The following KLHL14 variants were observed in gnomAD, a reference collection of about 807,000 sequenced individuals.
The protein encoded by KLHL14 is kelch like family member 14.
KLHL14 carries 22 observed loss-of-function variants against 64.3 expected under a neutral mutation model. The ratio of observed to expected loss-of-function variants is 0.34; its 90% CI spans 0.24 to 0.49. The LOEUF is 0.49. KLHL14 is among the 20% of genes least tolerant of loss of function. KLHL14 has a pLI of 0.99. For missense variants in KLHL14, 661 were observed against 789.0 expected, an observed-to-expected ratio of 0.84 and a Z score of 1.94; for synonymous variants, 322 against 333.4, an observed-to-expected ratio of 0.97 and a Z score of 0.37.
intron 3 of KLHL14, among the ~76,000 whole-genome samples, chr18:32,702,743 T>C (rs941833398): frequency 1.1e-5 from 1 of 94,608 alleles, no homozygotes; most frequent in Non-Finnish European, 2.8e-5. Context: ...TCTGTAAGAG[T>C]TTTTATGGTC....
rs1391632334 is a variant in KLHL14, at chr18:32,674,567, C to T, written c.*90G>A. On this transcript the variant is annotated 3_prime_UTR_variant, in exon 9 of 9. Coordinates refer to ENST00000359358, the MANE Select transcript of KLHL14 (RefSeq NM_020805.3). ...CAAGGGTGGGTTTTGGCAGTTGTACCATTAGAATGCATTGTTCCTATTATA... is the reference window on the plus strand; with the variant it reads ...CAAGGGTGGGTTTTGGCAGTTGTACTATTAGAATGCATTGTTCCTATTATA... 7 of 697,134 alleles carry T rather than the reference C, an allele frequency of 1.0e-5. No individual in the cohort carries two copies. The highest frequency in any genetic ancestry group is 1.8e-5 in the African/African-American group (1 of 56,686). 43.2% of individuals were successfully genotyped at this position (697,134 alleles called of 1,614,324 possible). A position where few individuals can be genotyped will look rare whatever the true frequency, so the allele number is the denominator to read the frequency against.
chr18:32,696,409 G>A (rs1206570890), intron 3 of KLHL14, among the ~76,000 whole-genome samples: 4 of 152,170 alleles, frequency 2.6e-5, no homozygotes, highest in Admixed American at 6.6e-5. Flanking sequence ...CAGTGTTAGT[G>A]TCTGCTACAA....
chr18:32,750,939 A>G (rs188714411), intron 2 of KLHL14, among the ~76,000 whole-genome samples: 24 of 152,268 alleles, frequency 1.6e-4, no homozygotes, highest in Admixed American at 1.4e-3. Context: ...TGAATTCCCA[A>G]TTACCTATCT....
intron 2 of KLHL14, among the ~76,000 whole-genome samples, chr18:32,757,177 G>A (rs1344838302): frequency 6.6e-6 from 1 of 152,154 alleles, no homozygotes; most frequent in Non-Finnish European, 1.5e-5. Context: ...GAAACAATTT[G>A]TTGGCCAATC....
intron 2 of KLHL14, among the ~76,000 whole-genome samples, chr18:32,750,161 C>A (rs1054341792): frequency 6.6e-6 from 1 of 151,986 alleles, no homozygotes; most frequent in East Asian, 1.9e-4. Flanking sequence ...TATCCAAATA[C>A]TATCTTACTG....
intron 2 of KLHL14, among the ~76,000 whole-genome samples, chr18:32,751,504 A>G (rs1485691670): frequency 6.6e-6 from 1 of 152,128 alleles, no homozygotes; most frequent in Non-Finnish European, 1.5e-5. Flanking sequence ...TCCATTTCAC[A>G]CAAGAAACAT....
intron 3 of KLHL14, among the ~76,000 whole-genome samples, chr18:32,714,699 G>C (rs192109358): frequency 6.6e-6 from 1 of 152,016 alleles, no homozygotes; most frequent in African/African-American, 2.4e-5. Flanking sequence ...GTTCAAACTC[G>C]CCTTTCGTTA....
intron 2 of KLHL14, among the ~76,000 whole-genome samples, chr18:32,754,166 C>T (rs570292214): frequency 6.6e-6 from 1 of 152,268 alleles, no homozygotes; most frequent in East Asian, 1.9e-4. Context: ...TCTGTATAGC[C>T]TAGTGACGAA....
At chr18:32,679,645 G>GA (rs1032272974) in intron 7 of KLHL14, among the ~76,000 whole-genome samples, 6 of 151,646 alleles carry the variant, frequency 4.0e-5, no homozygotes, top group Non-Finnish European at 5.9e-5. Context: ...GTTTTTTATT[G>GA]AAAAAAAGCA....
At chr18:32,745,752 G>A (rs1343387257) in intron 2 of KLHL14, among the ~76,000 whole-genome samples, 1 of 152,166 alleles carries the variant, frequency 6.6e-6, no homozygotes, top group Non-Finnish European at 1.5e-5. Context: ...TTATAATAGT[G>A]ACAATGACAA....
At chr18:32,763,257 T>G (rs2050323941) in intron 2 of KLHL14, among the ~76,000 whole-genome samples, 1 of 152,182 alleles carries the variant, frequency 6.6e-6, no homozygotes, top group African/African-American at 2.4e-5. Flanking sequence ...AATTCAGAAC[T>G]AATAATTAAG....
intron 7 of KLHL14, among the ~76,000 whole-genome samples, chr18:32,677,928 C>A (rs1397716499): frequency 2.6e-5 from 4 of 152,174 alleles, no homozygotes; most frequent in Non-Finnish European, 5.9e-5. Flanking sequence ...ATTTAACTCT[C>A]TCAGAATGTT....
In KLHL14 at chr18:32,677,271, T is replaced by A; in HGVS notation, c.1648A>T (p.Asn550Tyr). 1 of 1,613,612 alleles carries A rather than the reference T, an allele frequency of 6.2e-7. No individual in the cohort carries two copies. The highest frequency in any genetic ancestry group is 1.7e-5 in the Admixed American group (1 of 59,960). Residue 550 changes from asparagine to tyrosine, a missense_variant, in exon 8 of 9, where the codon AAT becomes TAT. Asn to Tyr is a moderately radical substitution (Grantham distance 143). Around this residue, in one of 2 missense-constraint regions of KLHL14, gnomAD observed 330 missense variants for 450.0 expected, o/e 0.73. Coordinates refer to ENST00000359358, the MANE Select transcript of KLHL14 (RefSeq NM_020805.3). Reference sequence around the variant, plus strand: ...TCCAAAATGGGAGTTTGGAGTATATTCCACTGGTCACCTTTTGGGTCATAG... The same window carrying A: ...TCCAAAATGGGAGTTTGGAGTATATACCACTGGTCACCTTTTGGGTCATAG... Reference protein sequence around the residue: ...ECYDPKGDQWNILQTPILEGR... With the variant: ...ECYDPKGDQWYILQTPILEGR...
intron 2 of KLHL14, among the ~76,000 whole-genome samples, chr18:32,758,631 A>T (rs2050296235): frequency 6.6e-6 from 1 of 152,234 alleles, no homozygotes; most frequent in South Asian, 2.1e-4. Flanking sequence ...GTCCATACAA[A>T]AAACTTGTAT....
intron 2 of KLHL14, among the ~76,000 whole-genome samples, chr18:32,766,065 A>C (rs1040071392): frequency 6.6e-6 from 1 of 152,078 alleles, no homozygotes; most frequent in Non-Finnish European, 1.5e-5. Flanking sequence ...GTTATGTGCA[A>C]TAGTAATGTA....
intron 4 of KLHL14, 35 bp downstream of exon 4, chr18:32,695,428 G>T (rs768040425): frequency 3.9e-6 from 5 of 1,287,628 alleles, no homozygotes; most frequent in Middle Eastern, 3.7e-4. Context: ...ACACATACTT[G>T]TTGAGCACCT....
chr18:32,706,785 C>T (rs1011673385), intron 3 of KLHL14, among the ~76,000 whole-genome samples: 25 of 152,032 alleles, frequency 1.6e-4, no homozygotes, highest in Admixed American at 1.5e-3. Flanking sequence ...AAATAATGAT[C>T]CTCTCACCCT....
chr18:32,742,098 C>T (rs1196928899), intron 2 of KLHL14, 49 bp from the exon 3 acceptor site: 1 of 1,569,568 alleles, frequency 6.4e-7, no homozygotes, highest in Middle Eastern at 1.7e-4. Context: ...ACTGTAGAGT[C>T]TTTTTAGTGG....
chr18:32,751,417 C>A (rs1352999638), intron 2 of KLHL14, among the ~76,000 whole-genome samples: 1 of 151,922 alleles, frequency 6.6e-6, no homozygotes, highest in Non-Finnish European at 1.5e-5. Context: ...TATCATTATC[C>A]CCATTTAACA....
Sources: gnomAD v4.1 joint callset for allele counts (sites outside exome capture counted in the v4.1 genomes callset) on GRCh38, gnomAD v4.1.1 for gene constraint, gnomAD v4.1.1 regional missense constraint, MANE v1.5 for transcripts, NCBI Gene and HGNC (gene_info 2026-07-23, HGNC 2026-07-21) for gene names.